Variants in DLGAP2 observed in about 807,000 individuals in gnomAD.
DLGAP2 encodes disks large-associated protein 2.
DLGAP2 carries 26 observed loss-of-function variants against 100.3 expected under a neutral mutation model. That is an observed-to-expected ratio of 0.26 (90% CI 0.19 to 0.36). DLGAP2 has a LOEUF of 0.36. Among genes scored for constraint, DLGAP2 ranks in the 10% least tolerant of loss-of-function variants. The probability of loss-of-function intolerance (pLI) is 1.00; values close to 1 mark genes in which losing one functional copy is unlikely to be tolerated. For synonymous variants in DLGAP2, 886 were observed against 630.1 expected (o/e 1.41, Z -6.08); for missense variants, 1,858 against 1,453.2 (o/e 1.28, Z -4.53).
rs1554437005 is a variant in DLGAP2, at chr8:1,297,441, GAC to G, written c.106+38560_106+38561del. 3.4e-5 allele frequency among the ~76,000 whole-genome samples: 5 copies of G among 148,642 alleles called. No individual in the cohort carries two copies. The East Asian group carries it at 6.2e-4, about 18-fold the overall frequency. On this transcript the variant is annotated intron_variant, in intron 3 of 14. Transcript: ENST00000637795. ...GCATGCGCGAACAGACACCACGCGA[GAC>G]AGGGAGGAGAAAGGTGGCATGCGTG...
At chr8:1,421,196 G>T (rs1038181557) in intron 3 of DLGAP2, among the ~76,000 whole-genome samples, 1 of 152,324 alleles carries the variant, frequency 6.6e-6, no homozygotes, top group Non-Finnish European at 1.5e-5. Context: ...CTGGAACATA[G>T]CTCTAACATC....
Position 1,685,215 on chromosome 8 carries a change from ACT to A in DLGAP2, c.2705-6317_2705-6316del, listed in dbSNP as rs1395383305. 2.0e-5 allele frequency among the ~76,000 whole-genome samples: 3 copies of A among 152,114 alleles called. No individual in the cohort carries two copies. The East Asian group carries it at 5.8e-4, about 29-fold the overall frequency. On this transcript the variant is annotated intron_variant, in intron 12 of 14. Transcript: ENST00000637795. The stretch of plus-strand genomic sequence containing the variant: ...AGCAGCTGACAAAGAGCCCAGAGAG[ACT>A]CTGAGAATGAGCAGAACACATGCTC...
At chr8:1,697,898 CAGA>C (rs923367049) in intron 14 of DLGAP2, among the ~76,000 whole-genome samples, 2 of 152,212 alleles carry the variant, frequency 1.3e-5, no homozygotes, top group Non-Finnish European at 1.5e-5. Flanking sequence ...ATGCTGTCAT[CAGA>C]AGAACTAGTA....
intron 3 of DLGAP2, among the ~76,000 whole-genome samples, chr8:1,463,908 C>G (rs549162606): frequency 6.6e-6 from 1 of 152,144 alleles, no homozygotes; most frequent in African/African-American, 2.4e-5. Flanking sequence ...GAGCTGCACG[C>G]GCTCCTGGGA....
chr8:1,518,993 T>C (rs749884260), intron 4 of DLGAP2, among the ~76,000 whole-genome samples: 6 of 152,154 alleles, frequency 3.9e-5, no homozygotes, highest in Non-Finnish European at 8.8e-5. Flanking sequence ...CGACCGTGTG[T>C]CCTCCAGCTA....
chr8:831,186 C>T (rs1231870591), intron 1 of DLGAP2, among the ~76,000 whole-genome samples: 2 of 150,086 alleles, frequency 1.3e-5, no homozygotes, highest in African/African-American at 4.9e-5. Context: ...GCATGAGTCA[C>T]CACGCCCGGT....
At chr8:1,210,541 A>C (rs1241307361) in intron 2 of DLGAP2, among the ~76,000 whole-genome samples, 2 of 152,216 alleles carry the variant, frequency 1.3e-5, no homozygotes, top group Non-Finnish European at 2.9e-5. Flanking sequence ...CCCAGCAAGC[A>C]CAGCACAGGC....
intron 1 of DLGAP2, among the ~76,000 whole-genome samples, chr8:794,340 T>A (rs1031230011): frequency 2.0e-5 from 3 of 151,942 alleles, no homozygotes; most frequent in African/African-American, 7.3e-5. Flanking sequence ...CACACAGAAA[T>A]ATAGAGGTGT....
At chr8:972,200 T>G (rs1278369130) in intron 2 of DLGAP2, among the ~76,000 whole-genome samples, 1 of 152,170 alleles carries the variant, frequency 6.6e-6, no homozygotes, top group Non-Finnish European at 1.5e-5. Context: ...CACCCTAAAG[T>G]TTCATTTATC....
At chr8:1,377,833 G>A (rs10046685) in intron 3 of DLGAP2, 13,255 of 152,380 alleles carry the variant, frequency 0.087, 904 homozygotes, top group East Asian at 0.26. Context: ...CCGAGCATAG[G>A]CACGGAAGTG....
chr8:1,497,086 G>C (rs1799571512), intron 3 of DLGAP2, among the ~76,000 whole-genome samples: 1 of 152,216 alleles, frequency 6.6e-6, no homozygotes, highest in Non-Finnish European at 1.5e-5. Flanking sequence ...CGTTCTGCCA[G>C]AGGGACCCTA....
At chr8:1,039,582 CGGTGTGCGTGGTCAGCTT>C (rs1563158767) in intron 2 of DLGAP2, among the ~76,000 whole-genome samples, 105 of 92,954 alleles carry the variant, frequency 1.1e-3, no homozygotes, top group African/African-American at 1.3e-3. Context: ...GTGGTCAGCT[CGGTGTGCGTGGTCAGCTT>C]GGTGTGCGTG....
At chr8:1,604,353 C>T (rs761756153) in intron 6 of DLGAP2, among the ~76,000 whole-genome samples, 3 of 152,134 alleles carry the variant, frequency 2.0e-5, no homozygotes, top group Non-Finnish European at 4.4e-5. Flanking sequence ...ATTCTCTAAA[C>T]AGTACCTCAG....
At chr8:810,192 T>A (rs1452761967) in intron 1 of DLGAP2, among the ~76,000 whole-genome samples, 1 of 152,254 alleles carries the variant, frequency 6.6e-6, no homozygotes, top group East Asian at 1.9e-4. Flanking sequence ...TCATGCTGTT[T>A]ACTCTCCCCA....
intron 3 of DLGAP2, among the ~76,000 whole-genome samples, chr8:1,461,001 C>G (rs1291104548): frequency 6.6e-6 from 1 of 152,194 alleles, no homozygotes; most frequent in Non-Finnish European, 1.5e-5. Flanking sequence ...CTCCATAAAC[C>G]AAAATCAGCA....
intron 3 of DLGAP2, among the ~76,000 whole-genome samples, chr8:1,442,936 A>C (rs1797880355): frequency 6.6e-6 from 1 of 152,248 alleles, no homozygotes; most frequent in Non-Finnish European, 1.5e-5. Context: ...TTTTACCGTA[A>C]ACACGAGTTC....
At chr8:1,326,172 TCTAA>T (rs1193470039) in intron 3 of DLGAP2, among the ~76,000 whole-genome samples, 5 of 152,306 alleles carry the variant, frequency 3.3e-5, no homozygotes, top group South Asian at 2.1e-4. Context: ...AGATTGGAAG[TCTAA>T]CTATTAGCAT....
intron 2 of DLGAP2, among the ~76,000 whole-genome samples, chr8:1,064,676 C>G (rs1419559309): frequency 6.6e-6 from 1 of 152,216 alleles, no homozygotes; most frequent in Non-Finnish European, 1.5e-5. Context: ...TCGCTGTCAA[C>G]ACGGGCTGAA....
chr8:1,097,423 C>T (rs560338189), intron 2 of DLGAP2, among the ~76,000 whole-genome samples: 9 of 132,936 alleles, frequency 6.8e-5, no homozygotes, highest in Non-Finnish European at 1.3e-4. Flanking sequence ...ATGGAGAGGA[C>T]CCCTCCAGCG....
Sources: allele counts gnomAD v4.1 joint callset (sites outside exome capture counted in the v4.1 genomes callset), GRCh38; gene constraint gnomAD v4.1.1; transcripts MANE v1.5; gene names NCBI Gene and HGNC (gene_info 2026-07-23, HGNC 2026-07-21).